The following SOX6 variants were observed in gnomAD, a reference collection of about 807,000 sequenced individuals.
SOX6 encodes the protein SRY-box transcription factor 6, also known as transcription factor SOX-6.
Under a neutral mutation model 97.8 loss-of-function variants are expected in SOX6, and 11 were observed. The observed-to-expected ratio is 0.11, with a 90% CI of 0.07 to 0.19. The LOEUF (loss-of-function observed/expected upper bound fraction) is 0.19. Among genes scored for constraint, SOX6 ranks in the 10% least tolerant of loss-of-function variants. The probability of loss-of-function intolerance (pLI) is 1.00; values close to 1 mark genes in which losing one functional copy is unlikely to be tolerated. For synonymous variants in SOX6, 360 were observed against 371.4 expected, an observed-to-expected ratio of 0.97 and a Z score of 0.35; for missense variants, 810 against 1,039.5, an observed-to-expected ratio of 0.78 and a Z score of 3.04.
At chr11:16,095,121 T>C (rs912736759) in intron 9 of SOX6, among the ~76,000 whole-genome samples, 1 of 151,908 alleles carries the variant, frequency 6.6e-6, no homozygotes, top group Non-Finnish European at 1.5e-5. Context: ...GGTTGGACTA[T>C]AAAATCTGCT....
chr11:16,689,044 T>C (rs565800518), intron 3 of SOX6, among the ~76,000 whole-genome samples: 1 of 152,332 alleles, frequency 6.6e-6, no homozygotes, highest in South Asian at 2.1e-4. Context: ...TATGCCCTTA[T>C]TAATTATGAT....
chr11:16,209,244 A>T (rs1380068989), intron 4 of SOX6, among the ~76,000 whole-genome samples: 6 of 152,212 alleles, frequency 3.9e-5, no homozygotes, highest in African/African-American at 1.4e-4. Flanking sequence ...TAATACTAGA[A>T]TATAAGTGGA....
intron 8 of SOX6, among the ~76,000 whole-genome samples, 181 bp downstream of exon 8, chr11:16,097,428 A>C (rs1848827640): frequency 6.6e-6 from 1 of 151,882 alleles, no homozygotes; most frequent in Non-Finnish European, 1.5e-5. Context: ...TCCTTTAAAA[A>C]TATTGAAACT....
chr11:16,423,062 C>G (rs1262198246), intron 1 of SOX6, among the ~76,000 whole-genome samples: 1 of 152,166 alleles, frequency 6.6e-6, no homozygotes, highest in Non-Finnish European at 1.5e-5. Flanking sequence ...AACCCAGAGT[C>G]TTCATCATTC....
intron 13 of SOX6, among the ~76,000 whole-genome samples, chr11:16,013,781 C>A (rs2133861513): frequency 6.6e-6 from 1 of 152,070 alleles, no homozygotes; most frequent in Non-Finnish European, 1.5e-5. Flanking sequence ...TGAAGGGCTT[C>A]CTAATGTCTA....
At chr11:16,641,004 G>T (rs1848903050) in intron 3 of SOX6, among the ~76,000 whole-genome samples, 2 of 152,194 alleles carry the variant, frequency 1.3e-5, no homozygotes, top group East Asian at 3.9e-4. Context: ...GTGATGTTAG[G>T]TTGTCCATTT....
chr11:16,444,228 G>A (rs1319068768), intron 1 of SOX6, among the ~76,000 whole-genome samples: 1 of 152,086 alleles, frequency 6.6e-6, no homozygotes, highest in African/African-American at 2.4e-5. Flanking sequence ...TTATACGAAT[G>A]TGTTAAAAAA....
intron 13 of SOX6, among the ~76,000 whole-genome samples, chr11:16,003,463 C>G (rs1011281869): frequency 5.9e-5 from 9 of 152,010 alleles, no homozygotes; most frequent in Non-Finnish European, 1.3e-4. Context: ...TTAACATTTG[C>G]CATATTTTAT....
At chr11:16,118,626 ACT>A (rs149146292) in intron 6 of SOX6, among the ~76,000 whole-genome samples, 139 of 152,306 alleles carry the variant, frequency 9.1e-4, no homozygotes, top group African/African-American at 3.3e-3. Flanking sequence ...TAAAGATATG[ACT>A]CTGAATACTT....
At chr11:16,022,331 T>TTCCTTCCTTCC (rs1855085967) in intron 12 of SOX6, among the ~76,000 whole-genome samples, 1 of 113,788 alleles carries the variant, frequency 8.8e-6, no homozygotes, top group Non-Finnish European at 1.8e-5. Context: ...TCCTTCCTTC[T>TTCCTTCCTTCC]TTCCTTCCTT....
intron 9 of SOX6, among the ~76,000 whole-genome samples, chr11:16,071,417 C>T (rs1848221983): frequency 6.6e-6 from 1 of 152,162 alleles, no homozygotes; most frequent in Admixed American, 6.5e-5. Context: ...GCCCAGAAGG[C>T]AGGGTGGATG....
chr11:16,642,455 T>C (rs1056014757), intron 3 of SOX6, among the ~76,000 whole-genome samples: 3 of 152,198 alleles, frequency 2.0e-5, no homozygotes, highest in African/African-American at 7.2e-5. Context: ...TGAATTTGAA[T>C]GTTGGCCTGC....
chr11:16,539,470 G>A (rs765657561), intron 4 of SOX6, among the ~76,000 whole-genome samples: 5 of 151,936 alleles, frequency 3.3e-5, no homozygotes, highest in African/African-American at 9.6e-5. Context: ...AACTAAGATC[G>A]GAGCAGAACT....
At chr11:16,260,525 C>A (rs1289762443) in intron 3 of SOX6, among the ~76,000 whole-genome samples, 1 of 152,126 alleles carries the variant, frequency 6.6e-6, no homozygotes, top group East Asian at 1.9e-4. Context: ...TGGCTATGGA[C>A]AAGCCATGCT....
chr11:16,349,018 A>C (rs938243258), intron 1 of SOX6, among the ~76,000 whole-genome samples: 8 of 152,152 alleles, frequency 5.3e-5, no homozygotes, highest in African/African-American at 1.9e-4. Context: ...TCACTACCAA[A>C]GTGATCTCAG....
intron 4 of SOX6, among the ~76,000 whole-genome samples, chr11:16,207,680 G>A (rs1217778456): frequency 1.3e-5 from 2 of 151,662 alleles, no homozygotes; most frequent in African/African-American, 4.8e-5. Context: ...GATTTTACAG[G>A]TTAGTGAACA....
intron 4 of SOX6, among the ~76,000 whole-genome samples, chr11:16,223,696 T>C (rs1590042735): frequency 2.0e-5 from 3 of 152,122 alleles, no homozygotes; most frequent in African/African-American, 7.2e-5. Context: ...AGCTCCAGTA[T>C]GTTTTCACTA....
chr11:16,240,531 T>A (rs1346394123), intron 3 of SOX6, among the ~76,000 whole-genome samples: 1 of 152,042 alleles, frequency 6.6e-6, no homozygotes, highest in Non-Finnish European at 1.5e-5. Context: ...GTACTTAACA[T>A]ACGTCAATGA....
chr11:16,120,942 G>A (rs1198878703), intron 6 of SOX6, among the ~76,000 whole-genome samples: 2 of 151,498 alleles, frequency 1.3e-5, no homozygotes, highest in Non-Finnish European at 1.5e-5. Flanking sequence ...TCAGGTCAAC[G>A]GTACATGTTT....
Sources: allele counts gnomAD v4.1 joint callset (sites outside exome capture counted in the v4.1 genomes callset), GRCh38; gene constraint gnomAD v4.1.1; transcripts MANE v1.5; gene names NCBI Gene and HGNC (gene_info 2026-07-23, HGNC 2026-07-21).